EFHD1: variants seen among roughly 807,000 people sequenced by gnomAD.
The protein encoded by EFHD1 is EF-hand domain-containing protein D1.
A neutral mutation model predicts 17.2 loss-of-function variants in EFHD1; 10 were observed. The ratio of observed to expected loss-of-function variants is 0.58; its 90% CI spans 0.36 to 0.99. EFHD1 has a LOEUF of 0.99. Among genes scored for constraint, EFHD1 ranks in the 50% least tolerant of loss-of-function variants. EFHD1 has a pLI of 0.01. For missense variants in EFHD1, 310 were observed against 327.5 expected (o/e 0.95, Z 0.41); for synonymous variants, 153 against 142.0 (o/e 1.08, Z -0.55).
intron 1 of EFHD1, among the ~76,000 whole-genome samples, chr2:232,651,521 G>C (rs942633892): frequency 6.6e-6 from 1 of 152,196 alleles, no homozygotes; most frequent in Non-Finnish European, 1.5e-5. Flanking sequence ...CCCTTCCCCC[G>C]GTGTGTTTGG....
chr2:232,663,844 G>A (rs1422440324), intron 2 of EFHD1, among the ~76,000 whole-genome samples: 1 of 152,130 alleles, frequency 6.6e-6, no homozygotes, highest in African/African-American at 2.4e-5. Flanking sequence ...GGAGTGCAGT[G>A]GCTCAATCCT....
chr2:232,634,622 G>C (rs1318012762), intron 1 of EFHD1, among the ~76,000 whole-genome samples: 3 of 152,172 alleles, frequency 2.0e-5, no homozygotes, highest in African/African-American at 7.2e-5. Context: ...GCTGGCACCG[G>C]TCCGGCGGGG....
intron 1 of EFHD1, among the ~76,000 whole-genome samples, chr2:232,653,648 A>C (rs1048942818): frequency 7.2e-5 from 11 of 152,186 alleles, no homozygotes; most frequent in Admixed American, 5.2e-4. Flanking sequence ...TGATGCTTCC[A>C]GCAGGAACAA....
Position 232,637,590 on chromosome 2 carries a change from C to T in EFHD1, c.302+3584C>T, listed in dbSNP as rs980310685. ...AACCCCTGACCTCAAATGATCCACC[C>T]GCCTCAGCCTCCCAAAACGCTGGGA... On this transcript the variant is annotated intron_variant, in intron 1 of 3. Coordinates refer to ENST00000264059, the MANE Select transcript of EFHD1 (RefSeq NM_025202.4). Among the ~76,000 whole-genome samples, 7 of 152,112 alleles carry T rather than the reference C, an allele frequency of 4.6e-5. 1 individual carries two copies. The highest frequency in any genetic ancestry group is 2.9e-5 in the Non-Finnish European group (2 of 68,000).
At chr2:232,677,264 AACACACACATACACACAC>A (rs1695196109) in intron 3 of EFHD1, among the ~76,000 whole-genome samples, 1 of 52,946 alleles carries the variant, frequency 1.9e-5, no homozygotes, top group African/African-American at 3.9e-5. Flanking sequence ...ATCTTTCTAT[AACACACACATACACACAC>A]ACACACACAC....
chr2:232,607,934 T>A (rs946675745), intron 1 of EFHD1, among the ~76,000 whole-genome samples: 2 of 151,196 alleles, frequency 1.3e-5, no homozygotes, highest in African/African-American at 4.9e-5. Context: ...TCTCTATTTT[T>A]TTTAATTAAT....
chr2:232,656,106 T>C (rs961753139), intron 1 of EFHD1, among the ~76,000 whole-genome samples: 3 of 151,932 alleles, frequency 2.0e-5, no homozygotes, highest in African/African-American at 7.3e-5. Context: ...GTGCCCGGCC[T>C]GTGTGGGGTC....
In EFHD1 at chr2:232,627,846, T is replaced by C. The variant is rs183693032; in HGVS notation, c.14+21673T>C. Among the ~76,000 whole-genome samples, 9 of 152,304 alleles carry C rather than the reference T, an allele frequency of 5.9e-5. No homozygotes were observed. The East Asian group carries it at 1.7e-3, about 29-fold the overall frequency. ...GATTTATGGAGATATAATTCACTTA[T>C]CATAAAACTCATCCTTTTTTTGTTT... On this transcript the variant is annotated intron_variant, in intron 1 of 3. Coordinates refer to the EFHD1 transcript ENST00000409613.
chr2:232,638,185 A>T (rs1228731252), intron 1 of EFHD1: 1 of 355,964 alleles, frequency 2.8e-6, no homozygotes, highest in Non-Finnish European at 5.7e-6. Flanking sequence ...CTGGTGGAGC[A>T]GTCAAGGTTA....
At chr2:232,629,720 C>T (rs902205548), upstream of EFHD1, among the ~76,000 whole-genome samples, 67 of 151,992 alleles carry the variant, frequency 4.4e-4, no homozygotes, top group African/African-American at 1.3e-3. Flanking sequence ...CCACCCGCCT[C>T]GGCCTCCCAA....
At chr2:232,671,882 C>T (rs989903560) in intron 2 of EFHD1, among the ~76,000 whole-genome samples, 14 of 151,948 alleles carry the variant, frequency 9.2e-5, no homozygotes, top group Non-Finnish European at 1.3e-4. Context: ...CATGGCAAAA[C>T]CCCATCCCTA....
chr2:232,643,203 G>A (rs1164686994), intron 1 of EFHD1, among the ~76,000 whole-genome samples: 2 of 151,412 alleles, frequency 1.3e-5, no homozygotes, highest in South Asian at 4.2e-4. Context: ...AAAAAAAAAA[G>A]AAAAAATAAA....
At chr2:232,634,759 C>G (rs1190711221) in intron 1 of EFHD1, among the ~76,000 whole-genome samples, 1 of 152,226 alleles carries the variant, frequency 6.6e-6, no homozygotes, top group Non-Finnish European at 1.5e-5. Flanking sequence ...CCGGGGATCT[C>G]AGTTTCCTCA....
chr2:232,635,585 G>A (rs1694303924), intron 1 of EFHD1, among the ~76,000 whole-genome samples: 1 of 152,138 alleles, frequency 6.6e-6, no homozygotes, highest in South Asian at 2.1e-4. Flanking sequence ...CTGGGAGGAC[G>A]AGGCAGGCGG....
At chr2:232,658,719 A>G (rs1694806846) in intron 1 of EFHD1, among the ~76,000 whole-genome samples, 1 of 151,794 alleles carries the variant, frequency 6.6e-6, no homozygotes, top group South Asian at 2.1e-4. Flanking sequence ...ACAGACAGAA[A>G]GGCTAGTAGT....
chr2:232,629,945 GT>G (rs1694174361), upstream of EFHD1, among the ~76,000 whole-genome samples: 1 of 149,600 alleles, frequency 6.7e-6, no homozygotes, highest in Non-Finnish European at 1.5e-5. Flanking sequence ...CAACAAGCAT[GT>G]TTTTTGTTTG....
At chr2:232,615,643 T>C (rs888883592) in intron 1 of EFHD1, among the ~76,000 whole-genome samples, 1 of 151,690 alleles carries the variant, frequency 6.6e-6, no homozygotes, top group Non-Finnish European at 1.5e-5. Context: ...TTTTAAAAAA[T>C]AGTGTAGTCG....
chr2:232,637,844 C>T (rs1357644807), intron 1 of EFHD1, among the ~76,000 whole-genome samples: 2 of 152,066 alleles, frequency 1.3e-5, no homozygotes, highest in Admixed American at 1.3e-4. Flanking sequence ...AAGTATTTGG[C>T]TTAGGGATTT....
intron 1 of EFHD1, chr2:232,661,786 C>T (rs1282575410): frequency 1.3e-5 from 2 of 152,126 alleles, no homozygotes; most frequent in African/African-American, 4.8e-5. Flanking sequence ...TCTACGAACT[C>T]TTGACCTCAG....
Sources: allele counts gnomAD v4.1 joint callset (sites outside exome capture counted in the v4.1 genomes callset), GRCh38; gene constraint gnomAD v4.1.1; transcripts MANE v1.5; gene names NCBI Gene and HGNC (gene_info 2026-07-23, HGNC 2026-07-21).